Variants in RPS6KA1 observed in about 807,000 individuals in gnomAD.
RPS6KA1 encodes the protein ribosomal protein S6 kinase alpha-1.
In RPS6KA1, 48 loss-of-function variants were observed where a neutral mutation model predicts 91.3. The observed-to-expected ratio is 0.53, with a 90% CI of 0.42 to 0.67. The LOEUF (loss-of-function observed/expected upper bound fraction) is 0.67, where lower values mean the gene tolerates loss of function less well. Among genes scored for constraint, RPS6KA1 ranks in the 30% least tolerant of loss-of-function variants. The pLI is 0.00. For missense variants in RPS6KA1, 719 were observed against 960.5 expected (o/e 0.75, Z 3.32); for synonymous variants, 359 against 384.7 (o/e 0.93, Z 0.78).
intron 13 of RPS6KA1, among the ~76,000 whole-genome samples, chr1:26,557,778 C>CCTCCA: frequency 1.6e-5 from 1 of 64,426 alleles, no homozygotes; most frequent in Non-Finnish European, 3.1e-5. Context: ...CCTCCCCTCT[C>CCTCCA]CTCCCCTCCC....
chr1:26,551,476 T>A lies in RPS6KA1; in HGVS notation c.387T>A (p.Tyr129Ter). 6.2e-7 allele frequency: 1 copy of A among 1,614,086 alleles called. No homozygotes were observed. Among genetic ancestry groups the A allele is most frequent in the South Asian group, 1.1e-5 (1 of 91,086 alleles). Residue 129 changes from tyrosine (Y) to a stop codon, truncating the protein, a stop_gained and splice_region_variant, in exon 5 of 22, where the codon TAT becomes TAA. Coordinates refer to ENST00000374168, the MANE Select transcript of RPS6KA1 (RefSeq NM_002953.4). LOFTEE classifies it high-confidence loss of function. This position sits in a 1 kb window ranked among gnomAD's most constrained non-coding sequence, Gnocchi z 4.5. ...VNHPFVVKLH[Y>*]AFQTEGKLYL... ...ACCCATTCGTGGTGAAGCTGCACTA[T>A]GGTAAAGCTTCTGGCCCTGCCTGAG...
intron 12 of RPS6KA1, 137 bp from the exon 13 acceptor site, chr1:26,556,861 T>A: frequency 1.6e-6 from 2 of 1,214,584 alleles, no homozygotes; most frequent in Non-Finnish European, 2.4e-6. Context: ...AGACAAGGGC[T>A]GGCCTCCTGA....
At position 26,547,023 on chromosome 1, in the gene RPS6KA1, A is replaced by G; in HGVS notation, c.225+40A>G. The G allele has an allele frequency of 6.3e-7, 1 of 1,578,128 alleles. No individual in the cohort carries two copies. The highest frequency in any genetic ancestry group is 1.1e-5 in the South Asian group (1 of 90,350). On this transcript the variant is annotated intron_variant, in intron 3 of 21. Coordinates refer to ENST00000374168, the MANE Select transcript of RPS6KA1 (RefSeq NM_002953.4). The surrounding 1 kb of genome is among the most constrained non-coding windows in gnomAD (Gnocchi z 4.1). Reference sequence around the variant, plus strand: ...CATAGCTGTGAAGGCAACACTCGTCATGTTAGAGGTGGGGGTCAAGGGTCA... The same window carrying G: ...CATAGCTGTGAAGGCAACACTCGTCGTGTTAGAGGTGGGGGTCAAGGGTCA...
At chr1:26,533,906 C>G in intron 1 of RPS6KA1, among the ~76,000 whole-genome samples, 1 of 152,126 alleles carries the variant, frequency 6.6e-6, no homozygotes, top group East Asian at 1.9e-4. Flanking sequence ...CAGCACCCCA[C>G]AACCCCCCTG....
intron 2 of RPS6KA1, among the ~76,000 whole-genome samples, chr1:26,542,005 C>G (rs1202392306): frequency 6.6e-6 from 1 of 152,190 alleles, no homozygotes; most frequent in African/African-American, 2.4e-5. Context: ...TGTCCTCCCC[C>G]CGCCCGCCAC....
Position 26,562,889 on chromosome 1 carries a change from T to C in RPS6KA1, c.1590+1226T>C, listed in dbSNP as rs2124657864. The stretch of plus-strand genomic sequence containing the variant: ...CTTGCTCCTGTCGCCCAGGCTGGAG[T>C]GCAGTGGCACGATCTTGGCTCACTG... On this transcript the variant is annotated intron_variant, in intron 17 of 21. Coordinates refer to ENST00000374168, the MANE Select transcript of RPS6KA1 (RefSeq NM_002953.4). 2.9e-5 allele frequency among the ~76,000 whole-genome samples: 4 copies of C among 135,790 alleles called. No homozygotes were observed. In the Middle Eastern group the frequency reaches 0.013, roughly 443 times the overall value. 89.1% of individuals were successfully genotyped at this position (135,790 alleles called of 152,430 possible). A position where few individuals can be genotyped will look rare whatever the true frequency, so the allele number is the denominator to read the frequency against.
chr1:26,547,222 A>G lies in RPS6KA1; in HGVS notation c.259A>G (p.Ser87Gly), dbSNP rs771217810. ...FLVRKVTRPDSGHLYAMKVLK... is the reference protein window; with the variant it reads ...FLVRKVTRPDGGHLYAMKVLK... ...GGTGCGGAAAGTCACCCGGCCTGACAGTGGGCACCTGTATGCTATGAAGGT... is the reference window on the plus strand; with the variant it reads ...GGTGCGGAAAGTCACCCGGCCTGACGGTGGGCACCTGTATGCTATGAAGGT... The change falls in exon 4 of 22, where the codon AGT becomes GGT. Residue 87 changes from serine to glycine, a missense_variant. Coordinates refer to ENST00000374168, the MANE Select transcript of RPS6KA1 (RefSeq NM_002953.4). This position sits in a 1 kb window ranked among gnomAD's most constrained non-coding sequence, Gnocchi z 4.1. The G allele has an allele frequency of 1.2e-6, 2 of 1,614,008 alleles. No individual in the cohort carries two copies. Among genetic ancestry groups the G allele is most frequent in the Non-Finnish European group, 1.7e-6 (2 of 1,180,006 alleles).
Position 26,574,396 on chromosome 1 carries a change from A to G in RPS6KA1, c.*195A>G, listed in dbSNP as rs765045089. On this transcript the variant is annotated 3_prime_UTR_variant, in exon 22 of 22. Coordinates refer to ENST00000374168, the MANE Select transcript of RPS6KA1 (RefSeq NM_002953.4). The surrounding 1 kb of genome is among the most constrained non-coding windows in gnomAD (Gnocchi z 4.3). The stretch of plus-strand genomic sequence containing the variant: ...CCCCAGGATGGACTCTTCTCGGCTC[A>G]GGCTCTGCTGGTGGAAAGCGATTCA... 2 of 793,304 alleles carry G rather than the reference A, an allele frequency of 2.5e-6. No homozygotes were observed. The highest frequency in any genetic ancestry group is 1.7e-5 in the African/African-American group (1 of 59,424). 49.1% of individuals were successfully genotyped at this position (793,304 alleles called of 1,614,324 possible). A position where few individuals can be genotyped will look rare whatever the true frequency, so the allele number is the denominator to read the frequency against.
intron 2 of RPS6KA1, among the ~76,000 whole-genome samples, chr1:26,541,802 GC>G (rs1457128122): frequency 6.6e-6 from 1 of 152,226 alleles, no homozygotes; most frequent in Non-Finnish European, 1.5e-5. Flanking sequence ...TGGGGAAGGG[GC>G]TTTTGGTGTC....
chr1:26,570,037 G>A (rs1418347705), intron 17 of RPS6KA1, among the ~76,000 whole-genome samples: 1 of 152,214 alleles, frequency 6.6e-6, no homozygotes, highest in African/African-American at 2.4e-5. Context: ...GGAGTTTAGT[G>A]TGGGATGTGT....
chr1:26,546,751 T>A (rs2075997942), intron 2 of RPS6KA1, 116 bp from the exon 3 acceptor site: 4 of 724,034 alleles, frequency 5.5e-6, no homozygotes, highest in Non-Finnish European at 9.6e-6. Flanking sequence ...AGGGAAGTCG[T>A]CTATTGGGCC....
chr1:26,547,283 AC>A lies in RPS6KA1; in HGVS notation c.307+15del, dbSNP rs1250709865. 2 of 1,610,580 alleles carry A rather than the reference AC, an allele frequency of 1.2e-6. No homozygotes were observed. The highest frequency in any genetic ancestry group is 3.3e-5 in the Admixed American group (2 of 59,800). On this transcript the variant is annotated intron_variant, in intron 4 of 21. Coordinates refer to ENST00000374168, the MANE Select transcript of RPS6KA1 (RefSeq NM_002953.4). This position sits in a 1 kb window ranked among gnomAD's most constrained non-coding sequence, Gnocchi z 4.1. Reference sequence around the variant, plus strand: ...GCAACGCTGAAAGGTGAGTGGGGACACCTCCCTGTGCAGAACCCAGGCTTGG... The same window carrying A: ...GCAACGCTGAAAGGTGAGTGGGGACACTCCCTGTGCAGAACCCAGGCTTGG...
In RPS6KA1 at chr1:26,574,532, C is replaced by T. The variant is rs137855096; in HGVS notation, c.*331C>T. ...AGCCATTGCGGCCCCAGGAGGGGAA[C>T]TGAGTCACGCTGGGGCTCTCTGAGA... On this transcript the variant is annotated 3_prime_UTR_variant, in exon 22 of 22. Coordinates refer to ENST00000374168, the MANE Select transcript of RPS6KA1 (RefSeq NM_002953.4). The surrounding 1 kb of genome is among the most constrained non-coding windows in gnomAD (Gnocchi z 4.3). The T allele has an allele frequency of 1.9e-3, 917 of 481,264 alleles. 5 individuals carry two copies. The highest frequency in any genetic ancestry group is 0.017 in the African/African-American group (843 of 51,022). 29.8% of individuals were successfully genotyped at this position (481,264 alleles called of 1,614,324 possible). A position where few individuals can be genotyped will look rare whatever the true frequency, so the allele number is the denominator to read the frequency against.
intron 2 of RPS6KA1, among the ~76,000 whole-genome samples, chr1:26,542,815 A>G (rs1006066178): frequency 5.9e-5 from 9 of 152,188 alleles, no homozygotes; most frequent in African/African-American, 2.2e-4. Context: ...TTTGCCCCAC[A>G]TTCTCTCAGG....
intron 1 of RPS6KA1, among the ~76,000 whole-genome samples, chr1:26,532,348 A>G (rs1043329269): frequency 1.3e-5 from 2 of 152,164 alleles, no homozygotes; most frequent in African/African-American, 4.8e-5. Context: ...GATAGGGATT[A>G]TTACCCCTGT....
intron 17 of RPS6KA1, among the ~76,000 whole-genome samples, chr1:26,569,169 CA>C (rs61293169): frequency 0.02 from 2,863 of 139,740 alleles, 71 homozygotes; most frequent in African/African-American, 0.063. Flanking sequence ...GACTCCATCT[CA>C]AAAAAAAAAA....
chr1:26,573,072 G>C, intron 20 of RPS6KA1, 152 bp from the exon 21 acceptor site: 1 of 743,206 alleles, frequency 1.3e-6, no homozygotes, highest in Non-Finnish European at 2.2e-6. Flanking sequence ...GGCTGTGTGC[G>C]GGGAGCCCTG....
rs139221118 is a variant in RPS6KA1 at position 26,554,160 on chromosome 1, C to G, written c.576-54C>G. 1.3e-4 allele frequency: 198 copies of G among 1,531,190 alleles called. 1 individual carries two copies. In the African/African-American group the frequency reaches 2.3e-3, roughly 18 times the overall value. 94.9% of individuals were successfully genotyped at this position (1,531,190 alleles called of 1,614,324 possible). ...AACTCCCACAGCCCTGTGGTAACAC[C>G]ATCACCCACACGGCCACAGCTGAGG... On this transcript the variant is annotated intron_variant, in intron 7 of 21. Coordinates refer to ENST00000374168, the MANE Select transcript of RPS6KA1 (RefSeq NM_002953.4). The surrounding 1 kb of genome is among the most constrained non-coding windows in gnomAD (Gnocchi z 4.6).
chr1:26,549,118 G>A (rs901467266), intron 4 of RPS6KA1, among the ~76,000 whole-genome samples: 8 of 150,210 alleles, frequency 5.3e-5, no homozygotes, highest in African/African-American at 2.0e-4. Flanking sequence ...ATTCATACTA[G>A]ATGGATGGAC....
Sources: allele counts gnomAD v4.1 joint callset (sites outside exome capture counted in the v4.1 genomes callset), GRCh38; gene constraint gnomAD v4.1.1; non-coding constraint Gnocchi (gnomAD v3.1); transcripts MANE v1.5; gene names NCBI Gene and HGNC (gene_info 2026-07-23, HGNC 2026-07-21).